Variants in PLEKHA7 observed in about 807,000 individuals in gnomAD.
PLEKHA7 encodes pleckstrin homology domain-containing family A member 7.
Under a neutral mutation model 170.0 loss-of-function variants are expected in PLEKHA7, and 104 were observed. The ratio of observed to expected loss-of-function variants is 0.61; its 90% CI spans 0.52 to 0.72. PLEKHA7 has a LOEUF of 0.72. PLEKHA7 is among the 30% of genes least tolerant of loss of function. PLEKHA7 has a pLI of 0.00. For synonymous variants in PLEKHA7, 648 were observed against 660.8 expected (o/e 0.98, Z 0.30); for missense variants, 1,615 against 1,671.7 (o/e 0.97, Z 0.59).
chr11:16,902,214 T>C (rs1857387172), intron 3 of PLEKHA7, among the ~76,000 whole-genome samples: 1 of 152,244 alleles, frequency 6.6e-6, no homozygotes, highest in Admixed American at 6.5e-5. Flanking sequence ...TTCCATTATA[T>C]AGACACACCA....
chr11:17,014,200 C>G lies in PLEKHA7; in HGVS notation c.88G>C (p.Asp30His). ...AGCCAGGTCGTGCAGCGGAGCTGGT[C>G]ACTGCGGGCAGAGAGGTGCACCTGT... ...CRDGRVFFIN[D>H]QLRCTTWLHP... Residue 30 changes from aspartate (D) to histidine (H), a missense_variant and splice_region_variant, in exon 2 of 27, where the codon GAC becomes CAC. Asp to His is a moderately conservative substitution (Grantham distance 81, BLOSUM62 -1). Transcript: ENST00000531066. 6 of 1,587,102 alleles carry G rather than the reference C, an allele frequency of 3.8e-6. No individual in the cohort carries two copies. The highest frequency in any genetic ancestry group is 5.1e-6 in the Non-Finnish European group (6 of 1,169,314).
chr11:17,014,153 G>C lies in PLEKHA7; in HGVS notation c.135C>G (p.Pro45=), dbSNP rs780593071. Residue 45 remains proline, a synonymous_variant, in exon 2 of 27, where the codon CCC becomes CCG. Coordinates refer to ENST00000531066, the MANE Select transcript of PLEKHA7 (RefSeq NM_001329630.2). The part of the protein sequence containing the change: ...TTWLHPRTGE[P]VNSGHMIRSD... Reference sequence around the variant, plus strand: ...AGCGGATCATGTGGCCCGAGTTGACGGGCTCCCCGGTGCGCGGATGCAGCC... The same window carrying C: ...AGCGGATCATGTGGCCCGAGTTGACCGGCTCCCCGGTGCGCGGATGCAGCC... 6.9e-6 allele frequency: 11 copies of C among 1,601,852 alleles called. No individual in the cohort carries two copies. In the East Asian group the frequency reaches 1.1e-4, roughly 17 times the overall value.
chr11:16,871,017 A>G, intron 4 of PLEKHA7, 82 bp downstream of exon 4: 1 of 1,068,494 alleles, frequency 9.4e-7, no homozygotes, highest in East Asian at 2.6e-5. Context: ...CAGAGAAAAC[A>G]GTCCAGTAAG....
intron 3 of PLEKHA7, among the ~76,000 whole-genome samples, chr11:16,949,769 C>T (rs1412325267): frequency 6.6e-6 from 1 of 151,834 alleles, no homozygotes. Flanking sequence ...AACCAAGGCA[C>T]GATACAGAAA....
intron 3 of PLEKHA7, among the ~76,000 whole-genome samples, chr11:16,998,456 T>C (rs1864469007): frequency 6.6e-6 from 1 of 152,210 alleles, no homozygotes; most frequent in African/African-American, 2.4e-5. Context: ...CTCAGACACA[T>C]GCGGCTTTTG....
At chr11:16,800,889 C>T in intron 17 of PLEKHA7, 85 bp downstream of exon 17, 1 of 1,168,406 alleles carries the variant, frequency 8.6e-7, no homozygotes, top group Non-Finnish European at 1.3e-6. Context: ...GTGCTCACAA[C>T]CCCCACAGGT....
At chr11:16,808,596 C>A (rs760338044) in intron 13 of PLEKHA7, among the ~76,000 whole-genome samples, 4 of 152,192 alleles carry the variant, frequency 2.6e-5, no homozygotes, top group Non-Finnish European at 5.9e-5. Context: ...ATTCCAGTAA[C>A]CCCGAAGCCA....
At chr11:16,794,817 G>T (rs1298116610) in intron 18 of PLEKHA7, 93 bp downstream of exon 18, 1 of 1,499,226 alleles carries the variant, frequency 6.7e-7, no homozygotes, top group African/African-American at 1.4e-5. Flanking sequence ...ACCTCCCCAA[G>T]GGCCATCCCA....
intron 19 of PLEKHA7, among the ~76,000 whole-genome samples, chr11:16,793,481 G>C (rs1847998468): frequency 6.6e-6 from 1 of 152,188 alleles, no homozygotes; most frequent in Non-Finnish European, 1.5e-5. Context: ...TGAAGACCAG[G>C]GCAGCAGAAC....
intron 9 of PLEKHA7, among the ~76,000 whole-genome samples, chr11:16,834,212 G>A (rs1209223412): frequency 6.6e-6 from 1 of 151,740 alleles, no homozygotes; most frequent in Non-Finnish European, 1.5e-5. Context: ...TGCCATGTTG[G>A]CCAGGCTGGT....
chr11:16,789,604 G>T lies in PLEKHA7; in HGVS notation c.3156+171C>A. 1 of 647,608 alleles carries T rather than the reference G, an allele frequency of 1.5e-6. No homozygotes were observed. The highest frequency in any genetic ancestry group is 2.6e-6 in the Non-Finnish European group (1 of 378,696). The allele number at this position is 647,608 out of a possible 1,614,324, so 40.1% of individuals were successfully genotyped here. On this transcript the variant is annotated intron_variant, in intron 22 of 26. Coordinates refer to ENST00000531066, the MANE Select transcript of PLEKHA7 (RefSeq NM_001329630.2). This position sits in a 1 kb window ranked among gnomAD's most constrained non-coding sequence, Gnocchi z 4.6. ...CCACCCTGACAGGCCAGAGAGAAAG[G>T]CAGGATGCCCTCCTTGGTGGACAGT...
intron 13 of PLEKHA7, among the ~76,000 whole-genome samples, chr11:16,804,119 C>T (rs1389425471): frequency 6.6e-6 from 1 of 152,154 alleles, no homozygotes; most frequent in East Asian, 1.9e-4. Context: ...TCTTTCTTGC[C>T]AAAAGTCATG....
chr11:16,943,759 C>T (rs904354180), intron 3 of PLEKHA7, among the ~76,000 whole-genome samples: 5 of 152,154 alleles, frequency 3.3e-5, no homozygotes, highest in Admixed American at 6.5e-5. Flanking sequence ...CCCTGAGACA[C>T]GAAGAACCTT....
intron 9 of PLEKHA7, among the ~76,000 whole-genome samples, chr11:16,833,218 A>C (rs572150934): frequency 6.6e-6 from 1 of 152,324 alleles, no homozygotes; most frequent in South Asian, 2.1e-4. Flanking sequence ...GACACCCTCC[A>C]CAATCCTTCA....
intron 3 of PLEKHA7, among the ~76,000 whole-genome samples, chr11:16,994,953 C>T (rs1450797606): frequency 6.6e-6 from 1 of 152,204 alleles, no homozygotes. Context: ...TAACTGAGTG[C>T]CTACTATGTA....
chr11:16,975,689 T>C (rs1294485062), intron 3 of PLEKHA7, among the ~76,000 whole-genome samples: 1 of 152,134 alleles, frequency 6.6e-6, no homozygotes, highest in Non-Finnish European at 1.5e-5. Flanking sequence ...CACATATAAA[T>C]ACATAGATAC....
At chr11:16,871,988 T>G (rs1198221617) in intron 3 of PLEKHA7, among the ~76,000 whole-genome samples, 1 of 144,498 alleles carries the variant, frequency 6.9e-6, no homozygotes. Context: ...TTTTTTTTTT[T>G]TTTTAAGACA....
chr11:16,807,212 C>T, intron 13 of PLEKHA7: 1 of 984,958 alleles, frequency 1.0e-6, no homozygotes, highest in Non-Finnish European at 1.2e-6. Flanking sequence ...ATCAAAGGTT[C>T]ATTATTTTTA....
At chr11:16,913,715 G>T (rs971369731) in intron 3 of PLEKHA7, among the ~76,000 whole-genome samples, 17 of 152,320 alleles carry the variant, frequency 1.1e-4, no homozygotes, top group African/African-American at 4.1e-4. Context: ...AACCACAAGA[G>T]GCTGATTGTA....
Sources: gnomAD v4.1 joint callset for allele counts (sites outside exome capture counted in the v4.1 genomes callset) on GRCh38, gnomAD v4.1.1 for gene constraint, Gnocchi (gnomAD v3.1) non-coding constraint, MANE v1.5 for transcripts, NCBI Gene and HGNC (gene_info 2026-07-23, HGNC 2026-07-21) for gene names.